GRIA4: variants seen among roughly 807,000 people sequenced by gnomAD.
GRIA4 encodes glutamate receptor 4.
In GRIA4, 34 loss-of-function variants were observed where a neutral mutation model predicts 104.0. That is an observed-to-expected ratio of 0.33 (90% CI 0.25 to 0.44). The LOEUF (loss-of-function observed/expected upper bound fraction) is 0.44, where lower values mean the gene tolerates loss of function less well. GRIA4 is among the 20% of genes least tolerant of loss of function. GRIA4 has a pLI of 1.00. For missense variants in GRIA4, 750 were observed against 1,096.5 expected (o/e 0.68, Z 4.46); for synonymous variants, 386 against 381.9 (o/e 1.01, Z -0.13).
intron 5 of GRIA4, among the ~76,000 whole-genome samples, chr11:105,878,309 G>A (rs192044410): frequency 3.3e-5 from 5 of 152,224 alleles, no homozygotes; most frequent in East Asian, 1.9e-4. Context: ...AGGGGCACCC[G>A]CCAGATGCCA....
intron 4 of GRIA4, among the ~76,000 whole-genome samples, chr11:105,849,580 A>C (rs1944724220): frequency 6.6e-6 from 1 of 152,244 alleles, no homozygotes; most frequent in African/African-American, 2.4e-5. Flanking sequence ...CAGCAGCAGC[A>C]CAGCCAAAGT....
At chr11:105,731,682 AATACT>A (rs1236317503) in intron 3 of GRIA4, among the ~76,000 whole-genome samples, 1 of 152,210 alleles carries the variant, frequency 6.6e-6, no homozygotes, top group African/African-American at 2.4e-5. Flanking sequence ...TACACCATGG[AATACT>A]ATACAGCCAT....
intron 3 of GRIA4, among the ~76,000 whole-genome samples, chr11:105,709,587 C>T (rs947364272): frequency 2.6e-5 from 4 of 152,024 alleles, no homozygotes; most frequent in African/African-American, 9.7e-5. Context: ...AAGGTAACAC[C>T]ACCAGTAATA....
At chr11:105,938,179 GC>G (rs1948096801) in intron 14 of GRIA4, among the ~76,000 whole-genome samples, 1 of 152,160 alleles carries the variant, frequency 6.6e-6, no homozygotes, top group African/African-American at 2.4e-5. Context: ...AACTTAGTAT[GC>G]AAATTCATGT....
intron 4 of GRIA4, among the ~76,000 whole-genome samples, chr11:105,832,679 C>T (rs1170927584): frequency 6.6e-6 from 1 of 151,862 alleles, no homozygotes; most frequent in African/African-American, 2.4e-5. Context: ...TTTCATTTGT[C>T]CATGGAGATA....
intron 3 of GRIA4, among the ~76,000 whole-genome samples, chr11:105,631,413 T>G (rs1951032385): frequency 6.6e-6 from 1 of 152,200 alleles, no homozygotes. Flanking sequence ...GATGTCAGAA[T>G]TTATATGGAG....
chr11:105,674,418 C>A (rs75661210), intron 3 of GRIA4, among the ~76,000 whole-genome samples: 1 of 151,470 alleles, frequency 6.6e-6, no homozygotes, highest in African/African-American at 2.4e-5. Context: ...GATCTAGAAA[C>A]ATATCCGCCT....
chr11:105,833,961 C>T (rs1294089745), intron 4 of GRIA4, among the ~76,000 whole-genome samples: 2 of 151,976 alleles, frequency 1.3e-5, no homozygotes, highest in East Asian at 1.9e-4. Context: ...TTTTACTATG[C>T]CTTTCCATTC....
chr11:105,944,931 TC>T (rs1336242837), intron 14 of GRIA4, among the ~76,000 whole-genome samples: 6 of 152,248 alleles, frequency 3.9e-5, no homozygotes, highest in Admixed American at 3.9e-4. Flanking sequence ...TATCCATTTC[TC>T]AGATGTTTTT....
In GRIA4 at chr11:105,934,088, C is replaced by A. The variant is rs1001100681; in HGVS notation, c.2294+119C>A. 9 of 855,982 alleles carry A rather than the reference C, an allele frequency of 1.1e-5. No homozygotes were observed. In the African/African-American group the frequency reaches 1.2e-4, roughly 11 times the overall value. 53.0% of individuals were successfully genotyped at this position (855,982 alleles called of 1,614,324 possible). A position where few individuals can be genotyped will look rare whatever the true frequency, so the allele number is the denominator to read the frequency against. The stretch of plus-strand genomic sequence containing the variant: ...CATGGTATGTTTGTTTGTTTGTTTT[C>A]TTTTTCTCCATTTCATATATTTTGG... On this transcript the variant is annotated intron_variant, in intron 14 of 16. Transcript: ENST00000282499.
intron 3 of GRIA4, among the ~76,000 whole-genome samples, chr11:105,674,192 C>T (rs1419756205): frequency 1.3e-5 from 2 of 151,866 alleles, no homozygotes; most frequent in African/African-American, 4.8e-5. Flanking sequence ...TTATTACAAT[C>T]ATGTTTATGA....
chr11:105,832,692 T>A (rs1247422727), intron 4 of GRIA4, among the ~76,000 whole-genome samples: 5 of 151,954 alleles, frequency 3.3e-5, no homozygotes, highest in Admixed American at 3.3e-4. Context: ...TGGAGATACC[T>A]GTGTTATCTA....
intron 3 of GRIA4, among the ~76,000 whole-genome samples, chr11:105,712,998 T>C (rs1464963335): frequency 6.6e-6 from 1 of 152,166 alleles, no homozygotes; most frequent in Non-Finnish European, 1.5e-5. Flanking sequence ...AATGGAGATA[T>C]AAAAATCTGC....
chr11:105,911,964 T>C (rs1430857659), intron 10 of GRIA4: 5 of 1,517,912 alleles, frequency 3.3e-6, no homozygotes, highest in African/African-American at 1.4e-5. Flanking sequence ...GGCTCAAGTC[T>C]TGTTCTCCAG....
intron 3 of GRIA4, among the ~76,000 whole-genome samples, chr11:105,652,624 A>T (rs1951715599): frequency 6.6e-6 from 1 of 151,942 alleles, no homozygotes; most frequent in African/African-American, 2.4e-5. Context: ...GGCCTTTTTT[A>T]TTTTCCAGGA....
At chr11:105,893,256 T>C (rs1946519071) in intron 6 of GRIA4, among the ~76,000 whole-genome samples, 1 of 152,142 alleles carries the variant, frequency 6.6e-6, no homozygotes, top group African/African-American at 2.4e-5. Flanking sequence ...ATAATTTTAT[T>C]ACAATGTTGC....
intron 16 of GRIA4, 65 bp from the exon 17 acceptor site, chr11:105,979,510 T>A (rs562775662): frequency 7.3e-7 from 1 of 1,363,990 alleles, no homozygotes; most frequent in African/African-American, 1.4e-5. Context: ...GTGGAACATA[T>A]TGTTGAAGAA....
chr11:105,966,132 T>C (rs1858356867), intron 14 of GRIA4: 4 of 1,088,704 alleles, frequency 3.7e-6, no homozygotes, highest in East Asian at 4.8e-5. Context: ...GGGAGACTTA[T>C]GGTTTGGACC....
chr11:105,803,448 G>A (rs1042392287), intron 4 of GRIA4, among the ~76,000 whole-genome samples: 1 of 151,840 alleles, frequency 6.6e-6, no homozygotes, highest in Non-Finnish European at 1.5e-5. Context: ...ATATAGATGA[G>A]AGTCTCACAG....
Sources: gnomAD v4.1 joint callset for allele counts (sites outside exome capture counted in the v4.1 genomes callset) on GRCh38, gnomAD v4.1.1 for gene constraint, MANE v1.5 for transcripts, NCBI Gene and HGNC (gene_info 2026-07-23, HGNC 2026-07-21) for gene names.